Variants in RAB8B observed in about 807,000 individuals in gnomAD.
RAB8B encodes RAB8B, member RAS oncogene family.
In RAB8B, 11 loss-of-function variants were observed where a neutral mutation model predicts 32.0. The ratio of observed to expected loss-of-function variants is 0.34; its 90% CI spans 0.22 to 0.57. The LOEUF is 0.57. Among genes scored for constraint, RAB8B ranks in the 20% least tolerant of loss-of-function variants. The pLI is 0.86. For synonymous variants in RAB8B, 103 were observed against 89.6 expected (o/e 1.15, Z -0.85); for missense variants, 190 against 258.5 (o/e 0.73, Z 1.82).
At chr15:63,240,596 C>T (rs1279103907) in intron 1 of RAB8B, among the ~76,000 whole-genome samples, 2 of 151,970 alleles carry the variant, frequency 1.3e-5, no homozygotes. Flanking sequence ...TTCTAGGTCC[C>T]CACTTGCTTT....
intron 4 of RAB8B, 23 bp downstream of exon 4, chr15:63,255,607 G>T (rs1261675053): frequency 9.0e-6 from 14 of 1,547,770 alleles, no homozygotes; most frequent in Non-Finnish European, 1.3e-5. Context: ...AGAGAATGGT[G>T]ACATTGGAGA....
chr15:63,245,778 T>C (rs2038065830), intron 2 of RAB8B, among the ~76,000 whole-genome samples: 1 of 152,274 alleles, frequency 6.6e-6, no homozygotes, highest in Non-Finnish European at 1.5e-5. Flanking sequence ...TAATGAGATA[T>C]CTTGGGGATG....
intron 1 of RAB8B, among the ~76,000 whole-genome samples, chr15:63,213,604 T>TA (rs964791686): frequency 7.3e-5 from 11 of 151,326 alleles, no homozygotes; most frequent in African/African-American, 2.4e-4. Flanking sequence ...TATGGACACT[T>TA]AAAAAAAAAC....
chr15:63,244,626 C>A (rs2038057205), intron 1 of RAB8B, 130 bp from the exon 2 acceptor site: 1 of 701,510 alleles, frequency 1.4e-6, no homozygotes, highest in Admixed American at 3.1e-5. Context: ...ACATACCATT[C>A]ACACCCTCTC....
At chr15:63,193,267 C>T (rs2037573416) in intron 1 of RAB8B, among the ~76,000 whole-genome samples, 1 of 151,994 alleles carries the variant, frequency 6.6e-6, no homozygotes, top group South Asian at 2.1e-4. Context: ...GTTTTGCTAT[C>T]TTCTCTGATA....
At chr15:63,233,222 G>C (rs1034316417) in intron 1 of RAB8B, among the ~76,000 whole-genome samples, 10 of 151,188 alleles carry the variant, frequency 6.6e-5, no homozygotes, top group Admixed American at 2.0e-4. Context: ...ACCACATCCA[G>C]CTAATTTTTA....
chr15:63,240,796 A>C (rs1411307845), intron 1 of RAB8B, among the ~76,000 whole-genome samples: 1 of 121,866 alleles, frequency 8.2e-6, no homozygotes, highest in East Asian at 3.2e-4. Flanking sequence ...CTGAAAGGTA[A>C]TGTTCCTAAC....
rs1258213385 is a variant in RAB8B, at chr15:63,265,358, A to G, written c.*1739A>G. On this transcript the variant is annotated 3_prime_UTR_variant, in exon 8 of 8. Transcript: ENST00000321437. The surrounding 1 kb of genome is among the most constrained non-coding windows in gnomAD (Gnocchi z 4.9). ...TAGATATACTAAACTTATTGTTGAC[A>G]AATTTCAGCCTCCTTAATTTTTTTT... 6.6e-6 allele frequency: 1 copy of G among 152,136 alleles called. No individual in the cohort carries two copies. The highest frequency in any genetic ancestry group is 1.5e-5 in the Non-Finnish European group (1 of 68,012). 9.4% of individuals were successfully genotyped at this position (152,136 alleles called of 1,614,324 possible).
chr15:63,242,371 G>A (rs2038039341), intron 1 of RAB8B, among the ~76,000 whole-genome samples: 1 of 152,038 alleles, frequency 6.6e-6, no homozygotes, highest in South Asian at 2.1e-4. Context: ...GCAGTTGAAT[G>A]CTCCCCACCT....
At chr15:63,236,508 T>A (rs2037981506) in intron 1 of RAB8B, among the ~76,000 whole-genome samples, 2 of 152,262 alleles carry the variant, frequency 1.3e-5, no homozygotes, top group South Asian at 4.1e-4. Context: ...GGACTGCTCA[T>A]GAGTCAGGAT....
chr15:63,255,193 A>G (rs1410159022), intron 3 of RAB8B, among the ~76,000 whole-genome samples: 1 of 152,150 alleles, frequency 6.6e-6, no homozygotes, highest in Non-Finnish European at 1.5e-5. Context: ...TTGACTTAAC[A>G]CTCAGCTCCA....
chr15:63,217,483 T>G (rs1161184193), intron 1 of RAB8B, among the ~76,000 whole-genome samples: 1 of 152,210 alleles, frequency 6.6e-6, no homozygotes, highest in East Asian at 1.9e-4. Flanking sequence ...TGGGTGGTAC[T>G]GTGTATAATA....
chr15:63,201,038 A>C (rs2037644183), intron 1 of RAB8B, among the ~76,000 whole-genome samples: 1 of 150,226 alleles, frequency 6.7e-6, no homozygotes, highest in South Asian at 2.1e-4. Flanking sequence ...TTTTAACTAG[A>C]TTTCCAAGAA....
chr15:63,189,798 T>C, intron 1 of RAB8B, 50 bp downstream of exon 1: 2 of 277,608 alleles, frequency 7.2e-6, no homozygotes, highest in Non-Finnish European at 6.7e-6. Flanking sequence ...GGGGGGCGGG[T>C]ACTAGGGGAC....
intron 1 of RAB8B, among the ~76,000 whole-genome samples, chr15:63,232,895 CAAG>C: frequency 6.6e-6 from 1 of 151,694 alleles, no homozygotes; most frequent in South Asian, 2.1e-4. Flanking sequence ...AATTTTCAAA[CAAG>C]AAAACAATTT....
intron 1 of RAB8B, among the ~76,000 whole-genome samples, chr15:63,196,503 G>T (rs560471658): frequency 1.3e-5 from 2 of 152,302 alleles, no homozygotes; most frequent in Admixed American, 6.5e-5. Flanking sequence ...CAGAGTGTAA[G>T]AATACTGTGT....
chr15:63,254,090 A>T (rs1279889653), intron 3 of RAB8B, among the ~76,000 whole-genome samples: 2 of 152,124 alleles, frequency 1.3e-5, no homozygotes, highest in Admixed American at 6.6e-5. Flanking sequence ...TGCCAAGCTG[A>T]CTTTCTTTCA....
At chr15:63,238,874 A>AT (rs922337275) in intron 1 of RAB8B, among the ~76,000 whole-genome samples, 1 of 152,208 alleles carries the variant, frequency 6.6e-6, no homozygotes, top group Admixed American at 6.5e-5. Flanking sequence ...AGAACATGAC[A>AT]TTCCCATGGT....
At chr15:63,260,952 G>A (rs1017039603) in intron 6 of RAB8B, among the ~76,000 whole-genome samples, 7 of 152,214 alleles carry the variant, frequency 4.6e-5, no homozygotes, top group Middle Eastern at 3.4e-3. Flanking sequence ...TTTAAATAAC[G>A]TAACAGTTAT....
Sources: gnomAD v4.1 joint callset for allele counts (sites outside exome capture counted in the v4.1 genomes callset) on GRCh38, gnomAD v4.1.1 for gene constraint, Gnocchi (gnomAD v3.1) non-coding constraint, MANE v1.5 for transcripts, NCBI Gene and HGNC (gene_info 2026-07-23, HGNC 2026-07-21) for gene names.